CYP4A11: variants seen among roughly 807,000 people sequenced by gnomAD.
CYP4A11 encodes the protein cytochrome P450 4A11.
CYP4A11 carries 52 observed loss-of-function variants against 57.7 expected under a neutral mutation model. The ratio of observed to expected loss-of-function variants is 0.90; its 90% CI spans 0.72 to 1.14. The LOEUF is 1.14. CYP4A11 is among the 50% of genes most tolerant of loss of function. The pLI is 0.00. For synonymous variants in CYP4A11, 228 were observed against 247.1 expected (o/e 0.92, Z 0.72); for missense variants, 641 against 642.1 (o/e 1.00, Z 0.02).
chr1:46,934,464 G>A lies in CYP4A11; in HGVS notation c.886C>T (p.Leu296Phe), dbSNP rs777637899. The A allele has an allele frequency of 6.2e-7, 1 of 1,613,792 alleles. No homozygotes were observed. The highest frequency in any genetic ancestry group is 8.5e-7 in the Non-Finnish European group (1 of 1,179,850). The change falls in exon 7 of 12, where the codon CTC becomes TTC. Residue 296 changes from leucine to phenylalanine, a missense_variant. By Grantham distance (22) the Leu-to-Phe change is conservative. Coordinates refer to ENST00000310638, the MANE Select transcript of CYP4A11 (RefSeq NM_000778.4). ...KRHLDFLDIL[L>F]LAKMENGSIL... Reference sequence around the variant, plus strand: ...CTACACATACTCACTTTGGCCAAGAGGAGGATATCCAGAAAATCCAAATGC... The same window carrying A: ...CTACACATACTCACTTTGGCCAAGAAGAGGATATCCAGAAAATCCAAATGC...
At position 46,930,171 on chromosome 1, in the gene CYP4A11, T is replaced by C. The variant is rs1420608451; in HGVS notation, c.1504A>G (p.Ile502Val). The C allele has an allele frequency of 6.2e-7, 1 of 1,614,042 alleles. No homozygotes were observed. Among genetic ancestry groups the C allele is most frequent in the African/African-American group, 1.3e-5 (1 of 75,028 alleles). The change falls in exon 12 of 12, where the codon ATC becomes GTC. Residue 502 changes from isoleucine to valine, a missense_variant. Physicochemically the swap from Ile to Val is conservative, Grantham distance 29. Coordinates refer to ENST00000310638, the MANE Select transcript of CYP4A11 (RefSeq NM_000778.4). ...GGGAGCCTCCTGAGACGCAGGTGGATTCCATTTTTGGATTTCAACACAAGT... is the reference window on the plus strand; with the variant it reads ...GGGAGCCTCCTGAGACGCAGGTGGACTCCATTTTTGGATTTCAACACAAGT... ...ARLVLKSKNG[I>V]HLRLRRLPNP...
chr1:46,932,678 G>A, intron 11 of CYP4A11, 83 bp downstream of exon 11: 2 of 1,610,592 alleles, frequency 1.2e-6, no homozygotes, highest in Non-Finnish European at 1.7e-6. Context: ...TGCCACATAT[G>A]AACATCAGGC....
In CYP4A11 at chr1:46,941,436, TG is replaced by T. The variant is rs1341211379; in HGVS notation, c.-4del. On this transcript the variant is annotated 5_prime_UTR_variant, in exon 1 of 12. Coordinates refer to ENST00000310638, the MANE Select transcript of CYP4A11 (RefSeq NM_000778.4). ...GGGCTCAGCACAGAGACACTCATGG[TG>T]CAGCACCTGCTGGATCTCTGAGTGC... 6.2e-7 allele frequency: 1 copy of T among 1,612,960 alleles called. No individual in the cohort carries two copies. Among genetic ancestry groups the T allele is most frequent in the South Asian group, 1.1e-5 (1 of 90,938 alleles).
chr1:46,932,609 G>T lies in CYP4A11; in HGVS notation c.1364+152C>A. 1.2e-5 allele frequency: 18 copies of T among 1,550,080 alleles called. No homozygotes were observed. In the South Asian group the frequency reaches 2.3e-4, roughly 19 times the overall value. On this transcript the variant is annotated intron_variant, in intron 11 of 11. Transcript: ENST00000310638. Reference sequence around the variant, plus strand: ...CCACCTTCCTTTTGTACACAGAGACGCCCACACCAGGTGCCTGACTTTCCC... The same window carrying T: ...CCACCTTCCTTTTGTACACAGAGACTCCCACACCAGGTGCCTGACTTTCCC...
chr1:46,933,387 G>A (rs1289510852), intron 9 of CYP4A11, among the ~76,000 whole-genome samples: 1 of 152,198 alleles, frequency 6.6e-6, no homozygotes, highest in Non-Finnish European at 1.5e-5. Flanking sequence ...CTCCAAGTAA[G>A]ACATTCTTTT....
intron 11 of CYP4A11, chr1:46,931,729 T>C (rs1681041394): frequency 1.5e-6 from 1 of 659,100 alleles, no homozygotes; most frequent in African/African-American, 2.0e-5. Context: ...AGGAAGCTTT[T>C]TCTTAAAGCC....
rs935961704 is a variant in CYP4A11 at position 46,937,882 on chromosome 1, A to G, written c.337+114T>C. On this transcript the variant is annotated intron_variant, in intron 2 of 11. Coordinates refer to ENST00000310638, the MANE Select transcript of CYP4A11 (RefSeq NM_000778.4). ...ATGGTGGGCTTGGTGGATGCGTGGG[A>G]GAGGTTTCAGATATTGATGTTTGAA... 2.7e-6 allele frequency: 4 copies of G among 1,495,342 alleles called. No individual in the cohort carries two copies. The African/African-American group carries it at 5.5e-5, about 21-fold the overall frequency. The allele number at this position is 1,495,342 out of a possible 1,614,324, so 92.6% of individuals were successfully genotyped here.
At chr1:46,938,285 GCTC>G (rs1557560004) in intron 1 of CYP4A11, 148 bp from the exon 2 acceptor site, 1 of 1,217,778 alleles carries the variant, frequency 8.2e-7, no homozygotes, top group African/African-American at 1.5e-5. Context: ...CCAGATTCTT[GCTC>G]TCTCCCCAGG....
At position 46,935,179 on chromosome 1, in the gene CYP4A11, C is replaced by A. The variant is rs746380039; in HGVS notation, c.636-25G>T. On this transcript the variant is annotated intron_variant, in intron 5 of 11. Transcript: ENST00000310638. ...CCTGAGGGAGAGTATGAAGAAGGGA[C>A]TGCAGTAGGGGTGGGCCCATTACCC... is the stretch of plus-strand genomic sequence containing the variant. 5 of 1,607,944 alleles carry A rather than the reference C, an allele frequency of 3.1e-6. No individual in the cohort carries two copies. In the African/African-American group the frequency reaches 5.3e-5, roughly 17 times the overall value.
In CYP4A11 at chr1:46,935,522, C is replaced by T; in HGVS notation, c.635+1G>A. Reference sequence around the variant, plus strand: ...CCTGCAGCTGGAGGGTTGTCACTGACCTGTCCACCTGGATGCTGCCCTGAT... The same window carrying T: ...CCTGCAGCTGGAGGGTTGTCACTGATCTGTCCACCTGGATGCTGCCCTGAT... On this transcript the variant is annotated splice_donor_variant, in intron 5 of 11. Coordinates refer to ENST00000310638, the MANE Select transcript of CYP4A11 (RefSeq NM_000778.4). LOFTEE classifies it high-confidence loss of function. 6.2e-7 allele frequency: 1 copy of T among 1,613,524 alleles called. No individual in the cohort carries two copies. Among genetic ancestry groups the T allele is most frequent in the Non-Finnish European group, 8.5e-7 (1 of 1,179,708 alleles).
At chr1:46,936,866 G>A in intron 3 of CYP4A11, 75 bp from the exon 4 acceptor site, 11 of 1,515,962 alleles carry the variant, frequency 7.3e-6, no homozygotes, top group Non-Finnish European at 9.7e-6. Flanking sequence ...AGGAGCTAGG[G>A]ATGACTGGTG....
chr1:46,933,447 T>G (rs1254608250), intron 9 of CYP4A11, among the ~76,000 whole-genome samples: 2 of 152,220 alleles, frequency 1.3e-5, no homozygotes, highest in Non-Finnish European at 2.9e-5. Context: ...ACCAATTGTC[T>G]TGTCTATGTT....
chr1:46,933,414 G>A (rs1055765577), intron 9 of CYP4A11, among the ~76,000 whole-genome samples: 6 of 152,098 alleles, frequency 3.9e-5, no homozygotes, highest in Admixed American at 2.0e-4. Context: ...AGTTTTCAGG[G>A]GAGATACCTG....
chr1:46,931,230 T>C (rs1042861118), intron 11 of CYP4A11, among the ~76,000 whole-genome samples: 8 of 152,080 alleles, frequency 5.3e-5, no homozygotes, highest in African/African-American at 1.9e-4. Flanking sequence ...TAAAGTCAGA[T>C]CCCAGCTGCC....
In CYP4A11 at chr1:46,932,994, GC is replaced by G. The variant is rs1368721846; in HGVS notation, c.1275del (p.Trp425CysfsTer40). ...IYGLHHNPKV[W>X]PNPEVFDPFR... ...CAAGGACCACATACCTCTGGGTTGG[GC>G]CACACTTTTGGGTTGTGGTGAAGGC... is the stretch of plus-strand genomic sequence containing the variant. On this transcript the variant is annotated frameshift_variant, in exon 10 of 12. Transcript: ENST00000310638. LOFTEE classifies it high-confidence loss of function. 6.2e-7 allele frequency: 1 copy of G among 1,614,078 alleles called. No individual in the cohort carries two copies. Among genetic ancestry groups the G allele is most frequent in the East Asian group, 2.2e-5 (1 of 44,900 alleles).
Position 46,941,316 on chromosome 1 carries a change from G to A in CYP4A11, c.118C>T (p.His40Tyr), listed in dbSNP as rs775436920. 1.9e-6 allele frequency: 3 copies of A among 1,614,186 alleles called. No homozygotes were observed. In the South Asian group the frequency reaches 3.3e-5, roughly 18 times the overall value. ...LLIKAVQLYL[H>Y]RQWLLKALQQ... The stretch of plus-strand genomic sequence containing the variant: ...AGGGCTTTGAGCAGCCACTGCCTGT[G>A]CAGGTAGAGCTGAACTGCCTTGATC... The change falls in exon 1 of 12, where the codon CAC (histidine) becomes TAC (tyrosine). Residue 40 changes from histidine to tyrosine, a missense_variant. By Grantham distance (83) the His-to-Tyr change is moderately conservative. Coordinates refer to ENST00000310638, the MANE Select transcript of CYP4A11 (RefSeq NM_000778.4).
chr1:46,937,394 G>A (rs1247916257), intron 2 of CYP4A11, 48 bp from the exon 3 acceptor site: 1 of 1,588,760 alleles, frequency 6.3e-7, no homozygotes, highest in Non-Finnish European at 8.6e-7. Flanking sequence ...TTACTAAGAA[G>A]GCAGTCTTAG....
At chr1:46,932,219 C>T (rs1681069955) in intron 11 of CYP4A11, 1 of 993,130 alleles carries the variant, frequency 1.0e-6, no homozygotes, top group South Asian at 4.5e-5. Flanking sequence ...CTTCAAAGGG[C>T]TACCTTAACC....
rs1557544026 is a variant in CYP4A11, at chr1:46,929,530, T to TGGGC, written c.*584_*585insGCCC. The TGGGC allele has an allele frequency of 1.6e-5, 1 of 64,142 alleles. No individual in the cohort carries two copies. Among genetic ancestry groups the TGGGC allele is most frequent in the African/African-American group, 4.1e-5 (1 of 24,326 alleles). The allele number at this position is 64,142 out of a possible 1,614,324, so 4.0% of individuals were successfully genotyped here. A position where few individuals can be genotyped will look rare whatever the true frequency, so the allele number is the denominator to read the frequency against. The stretch of plus-strand genomic sequence containing the variant: ...GAAACAGGTGGTGAGAATGTGGGGG[T>TGGGC]CGAAAGGGCATGTTGCATTAAGCAC... On this transcript the variant is annotated 3_prime_UTR_variant, in exon 12 of 12. Coordinates refer to ENST00000310638, the MANE Select transcript of CYP4A11 (RefSeq NM_000778.4).
Sources: gnomAD v4.1 joint callset for allele counts (sites outside exome capture counted in the v4.1 genomes callset) on GRCh38, gnomAD v4.1.1 for gene constraint, MANE v1.5 for transcripts, NCBI Gene and HGNC (gene_info 2026-07-23, HGNC 2026-07-21) for gene names.